The following FAM228B variants were observed in gnomAD, a reference collection of about 807,000 sequenced individuals.
FAM228B encodes the protein family with sequence similarity 228 member B, also known as protein FAM228B.
In FAM228B, 38 loss-of-function variants were observed where a neutral mutation model predicts 42.6. The ratio of observed to expected loss-of-function variants is 0.89; its 90% CI spans 0.69 to 1.17. The LOEUF (loss-of-function observed/expected upper bound fraction) is 1.17, where lower values mean the gene tolerates loss of function less well. Among genes scored for constraint, FAM228B ranks in the 50% most tolerant of loss-of-function variants. The pLI, the probability that FAM228B is intolerant of heterozygous loss-of-function variation, is 0.00. For missense variants in FAM228B, 344 were observed against 367.3 expected (o/e 0.94, Z 0.52); for synonymous variants, 109 against 122.3 (o/e 0.89, Z 0.72).
rs1558357240 is a variant in FAM228B at position 24,077,702 on chromosome 2, CT to C, written c.-290+734del. On this transcript the variant is annotated intron_variant, in intron 1 of 10. Coordinates refer to the FAM228B transcript ENST00000613899. The surrounding 1 kb of genome is among the most constrained non-coding windows in gnomAD (Gnocchi z 5.5). The stretch of plus-strand genomic sequence containing the variant: ...GAACCGGCAGCAGACGTTGGGGGCC[CT>C]CCGTGGAGAAGTGAGGCAGAATTTG... 1.9e-6 allele frequency: 3 copies of C among 1,614,080 alleles called. No homozygotes were observed. The East Asian group carries it at 6.7e-5, about 36-fold the overall frequency.
At chr2:24,079,504 T>G in intron 1 of FAM228B, 1 of 1,614,140 alleles carries the variant, frequency 6.2e-7, no homozygotes, top group East Asian at 2.2e-5. Context: ...AAAGTAGCTT[T>G]GAAAACAGGG....
Position 24,137,991 on chromosome 2 carries a change from T to C in FAM228B, c.251T>C (p.Val84Ala). The C allele has an allele frequency of 1.3e-6, 2 of 1,548,720 alleles. No individual in the cohort carries two copies. The highest frequency in any genetic ancestry group is 1.7e-6 in the Non-Finnish European group (2 of 1,146,220). Reference sequence around the variant, plus strand: ...TTATATAAAAGATGGGTTGACTGTGTGGCAGATCCTCTTCAGAAGAAAATT... The same window carrying C: ...TTATATAAAAGATGGGTTGACTGTGCGGCAGATCCTCTTCAGAAGAAAATT... ...EMLYKRWVDC[V>A]ADPLQKKIIE... Residue 84 changes from valine (V) to alanine (A), a missense_variant, in exon 4 of 11, where the codon GTG becomes GCG. Transcript: ENST00000615575.
intron 2 of FAM228B, among the ~76,000 whole-genome samples, chr2:24,082,690 T>G (rs1355001531): frequency 6.6e-6 from 1 of 152,166 alleles, no homozygotes; most frequent in Admixed American, 6.5e-5. Flanking sequence ...CTATCTAGTG[T>G]TATCCAGACC....
upstream of FAM228B, among the ~76,000 whole-genome samples, chr2:24,122,209 G>A (rs545868644): frequency 2.0e-5 from 3 of 152,012 alleles, no homozygotes; most frequent in South Asian, 2.1e-4. Context: ...GCGCACTCCT[G>A]TAATCCCAGC....
chr2:24,084,499 G>T lies in FAM228B; in HGVS notation c.-210+3544G>T. On this transcript the variant is annotated intron_variant, in intron 2 of 10. Coordinates refer to the FAM228B transcript ENST00000613899. The surrounding 1 kb of genome is among the most constrained non-coding windows in gnomAD (Gnocchi z 8.4). Reference sequence around the variant, plus strand: ...CTGCCGGCCAGCGCCTCGCTGCCCTGGTCTGCCGCGGACCCGGCCTCCGCC... The same window carrying T: ...CTGCCGGCCAGCGCCTCGCTGCCCTTGTCTGCCGCGGACCCGGCCTCCGCC... 2.3e-6 allele frequency: 2 copies of T among 878,622 alleles called. No homozygotes were observed. Among genetic ancestry groups the T allele is most frequent in the Non-Finnish European group, 3.2e-6 (2 of 621,080 alleles). 54.4% of individuals were successfully genotyped at this position (878,622 alleles called of 1,614,324 possible). A position where few individuals can be genotyped will look rare whatever the true frequency, so the allele number is the denominator to read the frequency against.
intron 8 of FAM228B, among the ~76,000 whole-genome samples, chr2:24,163,115 T>G (rs1459705558): frequency 6.6e-6 from 1 of 152,208 alleles, no homozygotes; most frequent in Admixed American, 6.5e-5. Context: ...AAAAGGAACC[T>G]AGCAAGGTGC....
At chr2:24,122,573 C>A, upstream of FAM228B, 1 of 1,420,178 alleles carries the variant, frequency 7.0e-7, no homozygotes, top group South Asian at 1.2e-5. Flanking sequence ...CAGTTGAAGC[C>A]ATTGACTCTG....
At chr2:24,083,461 T>C (rs1665105301) in intron 2 of FAM228B, among the ~76,000 whole-genome samples, 1 of 152,278 alleles carries the variant, frequency 6.6e-6, no homozygotes, top group African/African-American at 2.4e-5. Flanking sequence ...ATTAGGAACC[T>C]TGACGATGGT....
intron 10 of FAM228B, among the ~76,000 whole-genome samples, chr2:24,168,789 G>A (rs1667493840): frequency 6.6e-6 from 1 of 152,100 alleles, no homozygotes; most frequent in South Asian, 2.1e-4. Context: ...CCACAGGTGA[G>A]GAGGCAGCAC....
In FAM228B at chr2:24,146,965, G is replaced by T. The variant is rs1270888333; in HGVS notation, c.565G>T (p.Glu189Ter). The T allele has an allele frequency of 1.3e-6, 2 of 1,551,406 alleles. No homozygotes were observed. Residue 189 changes from glutamate to a stop codon, truncating the protein, a stop_gained, in exon 7 of 11, where the codon GAG (glutamate) becomes TAG (stop). Coordinates refer to ENST00000615575, the MANE Select transcript of FAM228B (RefSeq NM_001145710.2). LOFTEE classifies it high-confidence loss of function. ...TTCAATAAAGGAATTCAAAGAAGTT[G>T]AGAAGGTTCAGCTGCATTCCAGATT... is the stretch of plus-strand genomic sequence containing the variant. ...IYSIKEFKEV[E>*]KVQLHSRFPQ...
chr2:24,132,515 C>G (rs1666480601), intron 2 of FAM228B, among the ~76,000 whole-genome samples: 1 of 125,132 alleles, frequency 8.0e-6, no homozygotes, highest in Admixed American at 8.9e-5. Context: ...TAATTACTGC[C>G]TCAATTTCAG....
At chr2:24,082,997 G>A (rs2303288) in intron 2 of FAM228B, 31 of 1,614,142 alleles carry the variant, frequency 1.9e-5, no homozygotes, top group East Asian at 1.8e-4. Flanking sequence ...GGACAGTGAC[G>A]TACTGAGCCT....
chr2:24,162,522 C>T (rs1667309665), intron 8 of FAM228B, among the ~76,000 whole-genome samples: 1 of 152,118 alleles, frequency 6.6e-6, no homozygotes, highest in Non-Finnish European at 1.5e-5. Context: ...GGCAGTTTCT[C>T]AAGATGTTAA....
chr2:24,128,002 G>A (rs1391417807), intron 2 of FAM228B, among the ~76,000 whole-genome samples: 1 of 151,924 alleles, frequency 6.6e-6, no homozygotes, highest in African/African-American at 2.4e-5. Context: ...CCATCTTTTG[G>A]GAAATACAAC....
chr2:24,084,489 T>A lies in FAM228B; in HGVS notation c.-210+3534T>A. 1.0e-6 allele frequency: 1 copy of A among 970,594 alleles called. No homozygotes were observed. The highest frequency in any genetic ancestry group is 1.4e-6 in the Non-Finnish European group (1 of 702,954). The allele number at this position is 970,594 out of a possible 1,614,324, so 60.1% of individuals were successfully genotyped here. On this transcript the variant is annotated intron_variant, in intron 2 of 10. Transcript: ENST00000613899. This position sits in a 1 kb window ranked among gnomAD's most constrained non-coding sequence, Gnocchi z 8.4. ...GCAGCGCCCCCTGCCGGCCAGCGCC[T>A]CGCTGCCCTGGTCTGCCGCGGACCC...
chr2:24,088,502 C>T (rs1223873401), intron 2 of FAM228B, among the ~76,000 whole-genome samples: 2 of 152,164 alleles, frequency 1.3e-5, no homozygotes, highest in East Asian at 3.9e-4. Context: ...AGGCATGCAC[C>T]ACCAAGCCCG....
At chr2:24,158,920 G>A (rs1180500580) in intron 7 of FAM228B, among the ~76,000 whole-genome samples, 2 of 152,184 alleles carry the variant, frequency 1.3e-5, no homozygotes, top group Non-Finnish European at 2.9e-5. Context: ...GAAGACTAAC[G>A]TCCAGGTACT....
intron 7 of FAM228B, among the ~76,000 whole-genome samples, chr2:24,154,712 A>C (rs1252253932): frequency 6.6e-6 from 1 of 152,166 alleles, no homozygotes; most frequent in Non-Finnish European, 1.5e-5. Flanking sequence ...CGTGGGAGGG[A>C]CTTGTCTTTG....
At chr2:24,087,189 G>A (rs1012229559) in intron 2 of FAM228B, 2 of 152,038 alleles carry the variant, frequency 1.3e-5, no homozygotes, top group Admixed American at 6.6e-5. Context: ...CTTTGTCCTG[G>A]GTTCCTACAA....
Sources: gnomAD v4.1 joint callset for allele counts (sites outside exome capture counted in the v4.1 genomes callset) on GRCh38, gnomAD v4.1.1 for gene constraint, Gnocchi (gnomAD v3.1) non-coding constraint, MANE v1.5 for transcripts, NCBI Gene and HGNC (gene_info 2026-07-23, HGNC 2026-07-21) for gene names.